DET1: variants seen among roughly 807,000 people sequenced by gnomAD.
DET1 encodes DET1 homolog.
A neutral mutation model predicts 43.7 loss-of-function variants in DET1; 22 were observed. That is an observed-to-expected ratio of 0.50 (90% CI 0.36 to 0.72). The LOEUF is 0.72. Ranked by LOEUF, DET1 falls within the 30% of genes least tolerant of loss-of-function variation. The pLI is 0.00. For missense variants in DET1, 713 were observed against 713.3 expected (o/e 1.00, Z 0.00); for synonymous variants, 315 against 266.2 (o/e 1.18, Z -1.79).
chr15:88,506,978 T>C (rs2142244783), intron 7 of DET1, among the ~76,000 whole-genome samples: 1 of 152,316 alleles, frequency 6.6e-6, no homozygotes, highest in East Asian at 1.9e-4. Context: ...CAGACATTTG[T>C]GGAGAGAAGA....
intron 2 of DET1, among the ~76,000 whole-genome samples, 161 bp downstream of exon 2, chr15:88,530,462 G>C (rs2056780044): frequency 6.6e-6 from 1 of 152,122 alleles, no homozygotes; most frequent in African/African-American, 2.4e-5. Flanking sequence ...AAATACATAT[G>C]ACCAGAGAAA....
At chr15:88,513,793 C>CTTTTTT (rs55855042) in intron 4 of DET1, among the ~76,000 whole-genome samples, 23 of 68,484 alleles carry the variant, frequency 3.4e-4, no homozygotes, top group Admixed American at 4.1e-4. Flanking sequence ...AGAATAAATT[C>CTTTTTT]TTTTTTTTTT....
At chr15:88,507,688 T>C (rs1056631623), downstream of DET1, among the ~76,000 whole-genome samples, 9 of 152,222 alleles carry the variant, frequency 5.9e-5, no homozygotes, top group Non-Finnish European at 1.0e-4. Context: ...TGAAGTAACA[T>C]GTATCCCACA....
At chr15:88,503,381 GGAA>G (rs2142241366) in intron 8 of DET1, 1 of 152,198 alleles carries the variant, frequency 6.6e-6, no homozygotes, top group Admixed American at 6.5e-5. Flanking sequence ...CCACCTACAA[GGAA>G]GAAGATGGAT....
rs761639664 is a variant in DET1, at chr15:88,527,693, A to G, written c.1177T>C (p.Phe393Leu). ...GTAGCATTACGAAAAAGGTCACAGA[A>G]GTTCTCAAAGAGCTCCAAAAGCTCA... ...SDELLELFEN[F>L]CDLFRNATLH... Residue 393 changes from phenylalanine to leucine, a missense_variant, in exon 3 of 5, where the codon TTC becomes CTC. Phe to Leu is a conservative substitution (Grantham distance 22). Coordinates refer to ENST00000268148, the MANE Select transcript of DET1 (RefSeq NM_001144074.3). 2 of 1,613,956 alleles carry G rather than the reference A, an allele frequency of 1.2e-6. No homozygotes were observed. Among genetic ancestry groups the G allele is most frequent in the Non-Finnish European group, 1.7e-6 (2 of 1,179,858 alleles).
Position 88,536,369 on chromosome 15 carries a change from G to T in DET1, c.-10-4654C>A, listed in dbSNP as rs149746649. 129 of 776,628 alleles carry T rather than the reference G, an allele frequency of 1.7e-4. 1 individual carries two copies. In the East Asian group the frequency reaches 3.0e-3, roughly 18 times the overall value. The allele number at this position is 776,628 out of a possible 1,614,324, so 48.1% of individuals were successfully genotyped here. A position where few individuals can be genotyped will look rare whatever the true frequency, so the allele number is the denominator to read the frequency against. ...CAGGGAACTGGTCTAATTCCTTGCTGTATTCCCAGCACCTAGGAGAAGGGA... is the reference window on the plus strand; with the variant it reads ...CAGGGAACTGGTCTAATTCCTTGCTTTATTCCCAGCACCTAGGAGAAGGGA... On this transcript the variant is annotated intron_variant, in intron 1 of 4. Transcript: ENST00000268148.
chr15:88,525,276 T>G (rs1020026235), intron 3 of DET1, among the ~76,000 whole-genome samples: 11 of 152,048 alleles, frequency 7.2e-5, no homozygotes, highest in Non-Finnish European at 1.2e-4. Context: ...AATTTAGTAG[T>G]AACAGGAAAA....
chr15:88,525,827 ATT>A (rs10658727), intron 3 of DET1, among the ~76,000 whole-genome samples: 3,313 of 90,670 alleles, frequency 0.037, 110 homozygotes, highest in African/African-American at 0.14. Flanking sequence ...ACACTCGGCT[ATT>A]TTTTTTTTTT....
At chr15:88,539,471 A>C (rs10459698) in intron 1 of DET1, among the ~76,000 whole-genome samples, 1 of 143,404 alleles carries the variant, frequency 7.0e-6, no homozygotes, top group South Asian at 2.3e-4. Context: ...AAAAAAAAAA[A>C]GGAAAAAACT....
At chr15:88,521,399 T>G (rs1216188917) in intron 3 of DET1, among the ~76,000 whole-genome samples, 4 of 152,216 alleles carry the variant, frequency 2.6e-5, no homozygotes, top group Non-Finnish European at 5.9e-5. Flanking sequence ...TTTTGTTTTT[T>G]CCTTGGACAC....
At chr15:88,520,159 G>A (rs993815217) in intron 3 of DET1, among the ~76,000 whole-genome samples, 1 of 152,058 alleles carries the variant, frequency 6.6e-6, no homozygotes, top group Non-Finnish European at 1.5e-5. Flanking sequence ...CTTCTCTACA[G>A]GATCAGTCCC....
rs150673030 is a variant in DET1 at position 88,532,909 on chromosome 15, G to A, written c.-10-1194C>T. On this transcript the variant is annotated intron_variant, in intron 1 of 4. Coordinates refer to ENST00000268148, the MANE Select transcript of DET1 (RefSeq NM_001144074.3). ...TGATTTCTTGGATAAGACACAAAAG[G>A]CATAGGCGACCAAGACAAAAATAGA... Among the ~76,000 whole-genome samples, 609 of 152,226 alleles carry A rather than the reference G, an allele frequency of 4.0e-3. 3 individuals are homozygous for A. The highest frequency in any genetic ancestry group is 0.014 in the African/African-American group (570 of 41,524).
chr15:88,530,543 G>T, intron 2 of DET1, 80 bp downstream of exon 2: 1 of 1,514,962 alleles, frequency 6.6e-7, no homozygotes. Context: ...TTTCTGAGGG[G>T]TGGGCTATAA....
rs377096368 is a variant in DET1, at chr15:88,513,654, T to C, written c.1464-514A>G. Among the ~76,000 whole-genome samples, 26 of 149,508 alleles carry C rather than the reference T, an allele frequency of 1.7e-4. 1 individual carries two copies. In the South Asian group the frequency reaches 4.9e-3, roughly 28 times the overall value. On this transcript the variant is annotated intron_variant, in intron 4 of 4. Transcript: ENST00000268148. ...TTTTTTTTTTTTTGGAAATCTGTTA[T>C]GTATTTGACACTTGAGCACATCTCA...
chr15:88,537,656 C>T (rs1247430442), intron 1 of DET1, among the ~76,000 whole-genome samples: 1 of 152,208 alleles, frequency 6.6e-6, no homozygotes, highest in African/African-American at 2.4e-5. Context: ...GTCCCACCGA[C>T]CAGTACGCAA....
chr15:88,537,028 T>A (rs944899362), intron 1 of DET1, among the ~76,000 whole-genome samples: 14 of 152,054 alleles, frequency 9.2e-5, no homozygotes, highest in African/African-American at 3.1e-4. Context: ...TCTGAAAAGG[T>A]TCCAAATGCC....
At chr15:88,541,990 G>A (rs1322134729) in intron 1 of DET1, among the ~76,000 whole-genome samples, 1 of 152,162 alleles carries the variant, frequency 6.6e-6, no homozygotes, top group African/African-American at 2.4e-5. Context: ...TCCAGGTGAT[G>A]AGCGCTCAGC....
chr15:88,527,736 C>T lies in DET1; in HGVS notation c.1134G>A (p.Val378=), dbSNP rs748651165. ...YNMVTTEVIA[V]FENTSDELLE... ...AAAGCTCATCTGATGTATTCTCAAACACAGCAATCACCTCTGTCGTCACCA... is the reference window on the plus strand; with the variant it reads ...AAAGCTCATCTGATGTATTCTCAAATACAGCAATCACCTCTGTCGTCACCA... The change falls in exon 3 of 5, where the codon GTG becomes GTA. Residue 378 remains valine, a synonymous_variant. Transcript: ENST00000268148. 6.2e-7 allele frequency: 1 copy of T among 1,613,428 alleles called. No individual in the cohort carries two copies. The highest frequency in any genetic ancestry group is 8.5e-7 in the Non-Finnish European group (1 of 1,179,684).
At chr15:88,509,927 AGAC>A (rs1350937037), downstream of DET1, among the ~76,000 whole-genome samples, 1 of 152,254 alleles carries the variant, frequency 6.6e-6, no homozygotes. Context: ...ACAAGATGGA[AGAC>A]ACTTGGGTCC....
Sources: gnomAD v4.1 joint callset for allele counts (sites outside exome capture counted in the v4.1 genomes callset) on GRCh38, gnomAD v4.1.1 for gene constraint, MANE v1.5 for transcripts, NCBI Gene and HGNC (gene_info 2026-07-23, HGNC 2026-07-21) for gene names.